Variants in KDM2B observed in about 807,000 individuals in gnomAD.
KDM2B encodes lysine-specific demethylase 2B.
Under a neutral mutation model 150.0 loss-of-function variants are expected in KDM2B, and 26 were observed. The ratio of observed to expected loss-of-function variants is 0.17; its 90% CI spans 0.13 to 0.24. KDM2B has a LOEUF of 0.24. Among genes scored for constraint, KDM2B ranks in the 10% least tolerant of loss-of-function variants. The pLI, the probability that KDM2B is intolerant of heterozygous loss-of-function variation, is 1.00. For missense variants in KDM2B, 1,265 were observed against 1,816.9 expected (o/e 0.70, Z 5.52); for synonymous variants, 734 against 729.5 (o/e 1.01, Z -0.10).
In KDM2B at chr12:121,549,697, T is replaced by C. The variant is rs1889333892; in HGVS notation, c.398-59A>G. On this transcript the variant is annotated intron_variant, in intron 4 of 22. Transcript: ENST00000377071. This position sits in a 1 kb window ranked among gnomAD's most constrained non-coding sequence, Gnocchi z 4.4. The stretch of plus-strand genomic sequence containing the variant: ...CCGGCTTAAGGCTCCAGATCCTACA[T>C]GGGAGCCCCTCACTAAACAAAAGCT... 4 of 1,447,362 alleles carry C rather than the reference T, an allele frequency of 2.8e-6. No homozygotes were observed. Among genetic ancestry groups the C allele is most frequent in the South Asian group, 2.8e-5 (2 of 72,374 alleles). 89.7% of individuals were successfully genotyped at this position (1,447,362 alleles called of 1,614,324 possible). A position where few individuals can be genotyped will look rare whatever the true frequency, so the allele number is the denominator to read the frequency against.
intron 4 of KDM2B, among the ~76,000 whole-genome samples, chr12:121,568,838 G>A (rs1315273505): frequency 5.6e-5 from 8 of 142,006 alleles, no homozygotes; most frequent in African/African-American, 2.1e-4. Flanking sequence ...AGGGTACAGT[G>A]TTACAGAAAT....
intron 22 of KDM2B, among the ~76,000 whole-genome samples, chr12:121,431,970 C>G (rs1250661768): frequency 4.0e-5 from 6 of 151,134 alleles, no homozygotes; most frequent in African/African-American, 1.5e-4. Context: ...TGCAACCTCC[C>G]CTTCCCAGGT....
intron 22 of KDM2B, among the ~76,000 whole-genome samples, chr12:121,436,446 G>C (rs1278037135): frequency 2.0e-5 from 3 of 151,846 alleles, no homozygotes; most frequent in Non-Finnish European, 4.4e-5. Flanking sequence ...GCGTGAACCT[G>C]GGAGGCGGAG....
chr12:121,443,067 C>T lies in KDM2B; in HGVS notation c.2566-37G>A, dbSNP rs782187842. Reference sequence around the variant, plus strand: ...AAGAAAGGACGCAGAGCTTGCTCCCCGGGCTCGTGGGATTTGGTCTCCTCG... The same window carrying T: ...AAGAAAGGACGCAGAGCTTGCTCCCTGGGCTCGTGGGATTTGGTCTCCTCG... On this transcript the variant is annotated intron_variant, in intron 17 of 22. Coordinates refer to ENST00000377071, the MANE Select transcript of KDM2B (RefSeq NM_032590.5). The T allele has an allele frequency of 3.1e-6, 5 of 1,587,708 alleles. No individual in the cohort carries two copies. In the South Asian group the frequency reaches 3.4e-5, roughly 11 times the overall value.
At chr12:121,421,946 T>G in the KDM2B span, among the ~76,000 whole-genome samples, 2 of 152,184 alleles carry the variant, frequency 1.3e-5, no homozygotes, top group Non-Finnish European at 2.9e-5. Flanking sequence ...ATGCACAAAA[T>G]ATTTTGGCAA....
chr12:121,526,215 T>C (rs1423936633), intron 8 of KDM2B, among the ~76,000 whole-genome samples: 1 of 152,028 alleles, frequency 6.6e-6, no homozygotes, highest in Non-Finnish European at 1.5e-5. Context: ...TAGCTGGGTG[T>C]GGTGGCACAC....
rs369747977 is a variant in KDM2B at position 121,562,358 on chromosome 12, C to T, written c.397+12189G>A. 2.1e-4 allele frequency among the ~76,000 whole-genome samples: 32 copies of T among 151,998 alleles called. 1 individual carries two copies. Among genetic ancestry groups the T allele is most frequent in the African/African-American group, 7.7e-4 (32 of 41,452 alleles). On this transcript the variant is annotated intron_variant, in intron 4 of 22. Coordinates refer to ENST00000377071, the MANE Select transcript of KDM2B (RefSeq NM_032590.5). The stretch of plus-strand genomic sequence containing the variant: ...AATTAGCCGGGCGTGGTGGTATGAG[C>T]CTGTAATCCCAGCTACTCAGGAGGC...
intron 11 of KDM2B, among the ~76,000 whole-genome samples, chr12:121,503,974 G>A (rs2140660810): frequency 6.6e-6 from 1 of 152,354 alleles, no homozygotes; most frequent in African/African-American, 2.4e-5. Context: ...GTAGCTAAGA[G>A]CAGAAACCAA....
rs1877525625 is a variant in KDM2B at position 121,452,811 on chromosome 12, G to A, written c.1959+309C>T. On this transcript the variant is annotated intron_variant, in intron 13 of 22. Transcript: ENST00000377071. This position sits in a 1 kb window ranked among gnomAD's most constrained non-coding sequence, Gnocchi z 4.4. Reference sequence around the variant, plus strand: ...ACTCTGAAGGCAGGGCCGGAAGGAAGGAAGGAAGGGCCCAGAACCGTCACC... The same window carrying A: ...ACTCTGAAGGCAGGGCCGGAAGGAAAGAAGGAAGGGCCCAGAACCGTCACC... 6.6e-6 allele frequency among the ~76,000 whole-genome samples: 1 copy of A among 152,248 alleles called. No individual in the cohort carries two copies. Among genetic ancestry groups the A allele is most frequent in the Non-Finnish European group, 1.5e-5 (1 of 68,046 alleles).
At chr12:121,576,575 T>C (rs1171269201) in intron 2 of KDM2B, among the ~76,000 whole-genome samples, 1 of 150,200 alleles carries the variant, frequency 6.7e-6, no homozygotes, top group Non-Finnish European at 1.5e-5. Context: ...CAAGGAAAAT[T>C]CACAGGCTCG....
intron 13 of KDM2B, among the ~76,000 whole-genome samples, chr12:121,449,134 G>A (rs990911811): frequency 3.3e-5 from 5 of 151,886 alleles, no homozygotes; most frequent in Admixed American, 6.6e-5. Flanking sequence ...TGAGCCAGGT[G>A]GCAGGATGGG....
rs782767317 is a variant in KDM2B at position 121,509,892 on chromosome 12, T to C, written c.1322A>G (p.Asp441Gly). Residue 441 changes from aspartate to glycine, a missense_variant, in exon 11 of 23, where the codon GAT becomes GGT. Asp to Gly is a moderately conservative substitution (Grantham distance 94, BLOSUM62 -1). Transcript: ENST00000377071. ...CGTGCTGGTGGGTGAAGTGGAGCCA[T>C]CGGTGGGCGGTTTGGGTGCCCTGTC... is the stretch of plus-strand genomic sequence containing the variant. ...GRDRAPKPPT[D>G]GSTSPTSTPS... is the part of the protein sequence containing the mutation. 2.5e-6 allele frequency: 4 copies of C among 1,613,402 alleles called. No homozygotes were observed. In the Admixed American group the frequency reaches 5.0e-5, roughly 20 times the overall value.
At chr12:121,571,933 G>A (rs559843912) in intron 4 of KDM2B, among the ~76,000 whole-genome samples, 9 of 152,272 alleles carry the variant, frequency 5.9e-5, no homozygotes, top group Admixed American at 2.0e-4. Context: ...TTACAGGCAT[G>A]AGCCACGGCG....
intron 12 of KDM2B, among the ~76,000 whole-genome samples, chr12:121,459,569 G>A (rs1405780810): frequency 6.6e-6 from 1 of 152,168 alleles, no homozygotes; most frequent in Non-Finnish European, 1.5e-5. Context: ...GGTGGCTCAC[G>A]CCTGTGATCC....
intron 4 of KDM2B, among the ~76,000 whole-genome samples, chr12:121,566,490 C>T (rs781972276): frequency 1.8e-4 from 28 of 152,074 alleles, no homozygotes; most frequent in Non-Finnish European, 3.1e-4. Context: ...GGCATGGTGG[C>T]GGGTGCCTGT....
the KDM2B span, among the ~76,000 whole-genome samples, chr12:121,421,399 C>A: frequency 0.12 from 10,664 of 89,426 alleles, 597 homozygotes; most frequent in South Asian, 0.33. Context: ...AAAAAAAAAA[C>A]CAAAAAAACC....
At chr12:121,534,735 A>T (rs1555308447) in intron 6 of KDM2B, 145 bp from the exon 7 acceptor site, 1 of 622,120 alleles carries the variant, frequency 1.6e-6, no homozygotes, top group East Asian at 2.8e-5. Context: ...TAAAAATCCA[A>T]ATGTAATCGG....
intron 6 of KDM2B, among the ~76,000 whole-genome samples, chr12:121,547,432 C>T (rs1889139138): frequency 6.6e-6 from 1 of 152,238 alleles, no homozygotes; most frequent in African/African-American, 2.4e-5. Context: ...CTGCTGGCCT[C>T]CCTTACAAAG....
chr12:121,541,565 G>A (rs1214047008), intron 6 of KDM2B, among the ~76,000 whole-genome samples: 1 of 151,616 alleles, frequency 6.6e-6, no homozygotes, highest in African/African-American at 2.4e-5. Flanking sequence ...TACACAAAAT[G>A]TGCCCCAAAA....
Sources: allele counts gnomAD v4.1 joint callset (sites outside exome capture counted in the v4.1 genomes callset), GRCh38; gene constraint gnomAD v4.1.1; non-coding constraint Gnocchi (gnomAD v3.1); transcripts MANE v1.5; gene names NCBI Gene and HGNC (gene_info 2026-07-23, HGNC 2026-07-21).